The following INTS6 variants were observed in gnomAD, a reference collection of about 807,000 sequenced individuals.
The protein encoded by INTS6 is DEAD box protein.
In INTS6, 16 loss-of-function variants were observed where a neutral mutation model predicts 104.9. That is an observed-to-expected ratio of 0.15 (90% CI 0.10 to 0.23). The LOEUF (loss-of-function observed/expected upper bound fraction) is 0.23, where lower values mean the gene tolerates loss of function less well. Ranked by LOEUF, INTS6 falls within the 10% of genes least tolerant of loss-of-function variation. The probability of loss-of-function intolerance (pLI) is 1.00; values close to 1 mark genes in which losing one functional copy is unlikely to be tolerated. For missense variants in INTS6, 584 were observed against 1,062.8 expected, an observed-to-expected ratio of 0.55 and a Z score of 6.26; for synonymous variants, 324 against 358.7, an observed-to-expected ratio of 0.90 and a Z score of 1.09.
the INTS6 span, chr13:51,341,480 C>T: frequency 1.1e-6 from 1 of 890,550 alleles, no homozygotes; most frequent in Non-Finnish European, 1.7e-6. Flanking sequence ...CACTCACTCT[C>T]TCCAGCTCAC....
Position 51,362,371 on chromosome 13 carries a change from G to A in INTS6, c.*3381C>T, listed in dbSNP as rs1399248636. 1.2e-5 allele frequency: 2 copies of A among 170,040 alleles called. No individual in the cohort carries two copies. Among genetic ancestry groups the A allele is most frequent in the Non-Finnish European group, 2.5e-5 (2 of 81,164 alleles). The allele number at this position is 170,040 out of a possible 1,614,324, so 10.5% of individuals were successfully genotyped here. A position where few individuals can be genotyped will look rare whatever the true frequency, so the allele number is the denominator to read the frequency against. The stretch of plus-strand genomic sequence containing the variant: ...TGTTGATCTTTCTCAAAAATCAAAT[G>A]TTTGCCCTAGTACTTTTAAGTCCTA... On this transcript the variant is annotated 3_prime_UTR_variant, in exon 18 of 18. Transcript: ENST00000311234.
chr13:51,439,336 ATTT>A (rs746478623), intron 3 of INTS6: 2 of 152,332 alleles, frequency 1.3e-5, no homozygotes, highest in African/African-American at 2.4e-5. Flanking sequence ...AGCTAGAATA[ATTT>A]TTGATAGGAC....
intron 4 of INTS6, among the ~76,000 whole-genome samples, chr13:51,413,917 C>A (rs1956735043): frequency 6.6e-6 from 1 of 152,172 alleles, no homozygotes; most frequent in African/African-American, 2.4e-5. Flanking sequence ...TTTCTGATAA[C>A]TGCCCGTCCA....
intron 5 of INTS6, among the ~76,000 whole-genome samples, chr13:51,394,669 C>A (rs774910099): frequency 6.6e-6 from 1 of 152,094 alleles, no homozygotes; most frequent in East Asian, 1.9e-4. Flanking sequence ...CTACTGAATG[C>A]CAAAAGCATG....
At chr13:51,409,040 C>A (rs547251099) in intron 4 of INTS6, among the ~76,000 whole-genome samples, 55 of 152,128 alleles carry the variant, frequency 3.6e-4, no homozygotes, top group African/African-American at 1.3e-3. Context: ...TGAGTCTACG[C>A]CTTCCCCAGA....
At chr13:51,395,235 C>T (rs1290543490) in intron 5 of INTS6, 65 bp downstream of exon 5, 9 of 1,429,042 alleles carry the variant, frequency 6.3e-6, no homozygotes, top group African/African-American at 4.3e-5. Flanking sequence ...TTTGAATGTA[C>T]ACTTTTAAAA....
chr13:51,344,533 GA>G, the INTS6 span: 1 of 1,433,984 alleles, frequency 7.0e-7, no homozygotes, highest in Non-Finnish European at 9.6e-7. Flanking sequence ...GAGGGCTGCA[GA>G]GACAGAGTCT....
intron 2 of INTS6, 73 bp downstream of exon 2, chr13:51,451,905 G>A (rs1183925482): frequency 4.7e-6 from 5 of 1,071,938 alleles, no homozygotes; most frequent in Admixed American, 1.9e-5. Context: ...AGGGTGAATG[G>A]GGGGGCGGGG....
Position 51,374,378 on chromosome 13 carries a change from G to T in INTS6, c.1934C>A (p.Pro645His). The change falls in exon 15 of 18, where the codon CCC becomes CAC. Residue 645 changes from proline (P) to histidine (H), a missense_variant. Coordinates refer to ENST00000311234, the MANE Select transcript of INTS6 (RefSeq NM_012141.3). ...VAGPQNKHKR[P>H]GEPNMQGIPK... ...GATCCCTTGCATATTTGGTTCTCCG[G>T]GTCGTTTATGTTTATTTTGAGGTCC... is the stretch of plus-strand genomic sequence containing the variant. 1.9e-6 allele frequency: 3 copies of T among 1,613,974 alleles called. No individual in the cohort carries two copies. The highest frequency in any genetic ancestry group is 2.5e-6 in the Non-Finnish European group (3 of 1,179,966).
rs953286559 is a variant in INTS6 at position 51,452,753 on chromosome 13, C to T, written c.-228G>A. ...CGTCGTACCCCCGCCTCCGCCTCCTCCTGCCTGCCTGCCCGCTGGGGCGGG... is the reference window on the plus strand; with the variant it reads ...CGTCGTACCCCCGCCTCCGCCTCCTTCTGCCTGCCTGCCCGCTGGGGCGGG... On this transcript the variant is annotated 5_prime_UTR_variant, in exon 1 of 18. Coordinates refer to ENST00000311234, the MANE Select transcript of INTS6 (RefSeq NM_012141.3). The surrounding 1 kb of genome is among the most constrained non-coding windows in gnomAD (Gnocchi z 4.2). The T allele has an allele frequency of 8.1e-7, 1 of 1,233,202 alleles. No individual in the cohort carries two copies. Among genetic ancestry groups the T allele is most frequent in the Non-Finnish European group, 1.0e-6 (1 of 982,570 alleles). 76.4% of individuals were successfully genotyped at this position (1,233,202 alleles called of 1,614,324 possible).
chr13:51,364,439 T>C lies in INTS6; in HGVS notation c.*1313A>G, dbSNP rs1380037647. Reference sequence around the variant, plus strand: ...ACCTAAAAATACTTCAGTTTTTAAATGTTATAAGTTTATTTTGCCTACTCT... The same window carrying C: ...ACCTAAAAATACTTCAGTTTTTAAACGTTATAAGTTTATTTTGCCTACTCT... On this transcript the variant is annotated 3_prime_UTR_variant, in exon 18 of 18. Transcript: ENST00000311234. 2 of 500,836 alleles carry C rather than the reference T, an allele frequency of 4.0e-6. No homozygotes were observed. Among genetic ancestry groups the C allele is most frequent in the Non-Finnish European group, 7.0e-6 (2 of 287,428 alleles). 31.0% of individuals were successfully genotyped at this position (500,836 alleles called of 1,614,324 possible). A position where few individuals can be genotyped will look rare whatever the true frequency, so the allele number is the denominator to read the frequency against.
chr13:51,429,763 C>CAAAA (rs35873020), intron 4 of INTS6, among the ~76,000 whole-genome samples: 8 of 27,060 alleles, frequency 3.0e-4, no homozygotes, highest in Admixed American at 6.2e-4. Flanking sequence ...GACTCTGTCT[C>CAAAA]AAAAAAAAAA....
chr13:51,354,513 C>T (rs138212282), intron 3 of INTS6, among the ~76,000 whole-genome samples: 2 of 151,210 alleles, frequency 1.3e-5, no homozygotes, highest in South Asian at 2.1e-4. Flanking sequence ...CCCAGCTACT[C>T]GGGAAGCTAA....
At chr13:51,448,405 T>C (rs991117398) in intron 3 of INTS6, 1 of 152,194 alleles carries the variant, frequency 6.6e-6, no homozygotes, top group African/African-American at 2.4e-5. Context: ...TATAACAATG[T>C]CTGTAGGCAT....
chr13:51,430,247 T>C, intron 4 of INTS6, 47 bp downstream of exon 4: 1 of 1,487,936 alleles, frequency 6.7e-7, no homozygotes, highest in Non-Finnish European at 9.3e-7. Context: ...AAATAAAGGA[T>C]TGTTCAACTG....
At chr13:51,448,994 A>C (rs571958615) in intron 3 of INTS6, 3 of 152,340 alleles carry the variant, frequency 2.0e-5, no homozygotes, top group African/African-American at 7.2e-5. Context: ...CAAAATTCCT[A>C]ATCATTTATC....
intron 3 of INTS6, chr13:51,444,974 G>A (rs771023196): frequency 2.4e-4 from 37 of 151,712 alleles, no homozygotes; most frequent in South Asian, 4.2e-4. Context: ...TGCTCTATAG[G>A]AAATAAATCA....
intron 3 of INTS6, chr13:51,445,468 T>C (rs1345720573): frequency 2.6e-5 from 4 of 152,222 alleles, no homozygotes; most frequent in Non-Finnish European, 5.9e-5. Context: ...TACTAATCTT[T>C]TGGAGGAAAA....
chr13:51,345,829 C>T, the INTS6 span, among the ~76,000 whole-genome samples: 3 of 152,358 alleles, frequency 2.0e-5, no homozygotes, highest in Non-Finnish European at 4.4e-5. Flanking sequence ...AGAGAAGCAG[C>T]TCCCAGTGCA....
Sources: gnomAD v4.1 joint callset for allele counts (sites outside exome capture counted in the v4.1 genomes callset) on GRCh38, gnomAD v4.1.1 for gene constraint, Gnocchi (gnomAD v3.1) non-coding constraint, MANE v1.5 for transcripts, NCBI Gene and HGNC (gene_info 2026-07-23, HGNC 2026-07-21) for gene names.